Variants in TAX1BP1 observed in about 807,000 individuals in gnomAD.
TAX1BP1 encodes Tax1 binding protein 1, also known as tax1-binding protein 1.
In TAX1BP1, 62 loss-of-function variants were observed where a neutral mutation model predicts 97.7. The ratio of observed to expected loss-of-function variants is 0.63; its 90% CI spans 0.52 to 0.78. The LOEUF (loss-of-function observed/expected upper bound fraction) is 0.78, where lower values mean the gene tolerates loss of function less well. TAX1BP1 is among the 30% of genes least tolerant of loss of function. The pLI, the probability that TAX1BP1 is intolerant of heterozygous loss-of-function variation, is 0.00. For missense variants in TAX1BP1, 867 were observed against 916.1 expected (o/e 0.95, Z 0.69); for synonymous variants, 340 against 304.2 (o/e 1.12, Z -1.23).
intron 3 of TAX1BP1, among the ~76,000 whole-genome samples, chr7:27,761,036 A>G (rs940956967): frequency 3.9e-5 from 6 of 152,168 alleles, no homozygotes; most frequent in Non-Finnish European, 5.9e-5. Flanking sequence ...TATCTAATTG[A>G]TATGGTCTTA....
intron 2 of TAX1BP1, among the ~76,000 whole-genome samples, chr7:27,753,278 C>T (rs138278517): frequency 2.0e-5 from 3 of 151,904 alleles, no homozygotes; most frequent in Admixed American, 6.6e-5. Context: ...CCAGCCTGGG[C>T]GACAGAGCGA....
chr7:27,793,000 G>T (rs1450512533), intron 9 of TAX1BP1, 66 bp from the exon 10 acceptor site: 2 of 1,363,638 alleles, frequency 1.5e-6, no homozygotes, highest in African/African-American at 1.5e-5. Flanking sequence ...TTGAAGTTGG[G>T]GTTACTATTA....
At chr7:27,819,887 G>T (rs539889519) in intron 15 of TAX1BP1, among the ~76,000 whole-genome samples, 3 of 152,060 alleles carry the variant, frequency 2.0e-5, no homozygotes, top group Non-Finnish European at 2.9e-5. Flanking sequence ...ATTTACTGTG[G>T]TGCCCTAGGT....
chr7:27,804,461 T>C (rs954209390), intron 13 of TAX1BP1, among the ~76,000 whole-genome samples: 2 of 152,216 alleles, frequency 1.3e-5, no homozygotes, highest in Non-Finnish European at 2.9e-5. Context: ...AAACTGGTAT[T>C]CTACAATTCA....
At chr7:27,743,603 A>T (rs1787700541) in intron 1 of TAX1BP1, among the ~76,000 whole-genome samples, 1 of 152,154 alleles carries the variant, frequency 6.6e-6, no homozygotes, top group African/African-American at 2.4e-5. Context: ...TTTTACTATT[A>T]CAGAAATTTT....
At chr7:27,742,340 C>A (rs924403540) in intron 1 of TAX1BP1, among the ~76,000 whole-genome samples, 9 of 152,136 alleles carry the variant, frequency 5.9e-5, no homozygotes, top group Non-Finnish European at 2.9e-5. Context: ...GTTTTTGTGT[C>A]CCTGGGTACT....
chr7:27,804,350 C>T (rs897182643), intron 13 of TAX1BP1, among the ~76,000 whole-genome samples: 4 of 152,162 alleles, frequency 2.6e-5, no homozygotes, highest in Non-Finnish European at 5.9e-5. Context: ...TCACTTTTTC[C>T]ACATTTGTCC....
chr7:27,790,677 A>G (rs982994739), intron 8 of TAX1BP1, among the ~76,000 whole-genome samples: 1 of 152,068 alleles, frequency 6.6e-6, no homozygotes, highest in African/African-American at 2.4e-5. Context: ...ATACCCTTTG[A>G]TAATTTTCTT....
chr7:27,764,788 A>G (rs563251868), intron 3 of TAX1BP1, among the ~76,000 whole-genome samples: 82 of 151,942 alleles, frequency 5.4e-4, no homozygotes, highest in African/African-American at 1.9e-3. Flanking sequence ...CTTCTTCTCC[A>G]TGGAATCATT....
At chr7:27,797,554 C>T (rs1169690171) in intron 12 of TAX1BP1, among the ~76,000 whole-genome samples, 1 of 151,788 alleles carries the variant, frequency 6.6e-6, no homozygotes, top group Non-Finnish European at 1.5e-5. Flanking sequence ...ACATTAGCTT[C>T]ATGTTACTGT....
At chr7:27,756,385 G>A (rs1017369564) in intron 2 of TAX1BP1, among the ~76,000 whole-genome samples, 2 of 152,130 alleles carry the variant, frequency 1.3e-5, no homozygotes, top group Admixed American at 6.5e-5. Context: ...AATTTGAAGT[G>A]TAGTTCTATA....
intron 1 of TAX1BP1, among the ~76,000 whole-genome samples, chr7:27,741,947 G>GAATC (rs942899022): frequency 3.3e-5 from 5 of 152,202 alleles, no homozygotes; most frequent in Non-Finnish European, 5.9e-5. Flanking sequence ...ACAAGGTAAA[G>GAATC]AATCAAGTGC....
intron 4 of TAX1BP1, 83 bp from the exon 5 acceptor site, chr7:27,769,593 T>C: frequency 8.7e-7 from 1 of 1,145,428 alleles, no homozygotes; most frequent in Non-Finnish European, 1.2e-6. Context: ...CATTATTTTT[T>C]TTGGAAATGG....
In TAX1BP1 at chr7:27,803,415, A is replaced by G. The variant is rs1037217051; in HGVS notation, c.1764+3325A>G. Among the ~76,000 whole-genome samples, 10 of 152,354 alleles carry G rather than the reference A, an allele frequency of 6.6e-5. No individual in the cohort carries two copies. In the South Asian group the frequency reaches 1.4e-3, roughly 22 times the overall value. The stretch of plus-strand genomic sequence containing the variant: ...ACCTCACATTCACATAGAGCAATAC[A>G]TTTGTAATGTAAAAGATACTATAGT... On this transcript the variant is annotated intron_variant, in intron 13 of 16. Transcript: ENST00000396319.
chr7:27,814,033 T>C (rs911935099), intron 13 of TAX1BP1, among the ~76,000 whole-genome samples: 3 of 151,398 alleles, frequency 2.0e-5, no homozygotes, highest in Non-Finnish European at 4.4e-5. Flanking sequence ...TAACTCCTCA[T>C]GATCCGCCCG....
chr7:27,785,591 G>A, intron 7 of TAX1BP1, 102 bp downstream of exon 7: 1 of 946,322 alleles, frequency 1.1e-6, no homozygotes, highest in Non-Finnish European at 1.6e-6. Context: ...TTAGCTGAGT[G>A]GTTCTGGCTC....
At chr7:27,813,967 G>A (rs1446487358) in intron 13 of TAX1BP1, among the ~76,000 whole-genome samples, 4 of 151,912 alleles carry the variant, frequency 2.6e-5, no homozygotes. Context: ...ACATCATAGA[G>A]CAGTTCTTAG....
rs529635397 is a variant in TAX1BP1, at chr7:27,810,470, C to T, written c.1765-5879C>T. Among the ~76,000 whole-genome samples, 17 of 152,230 alleles carry T rather than the reference C, an allele frequency of 1.1e-4. No homozygotes were observed. The South Asian group carries it at 3.5e-3, about 32-fold the overall frequency. On this transcript the variant is annotated intron_variant, in intron 13 of 16. Coordinates refer to ENST00000396319, the MANE Select transcript of TAX1BP1 (RefSeq NM_006024.7). ...AATCAAATCTAGGTCAGCCTGATTC[C>T]AATCTACCATGCTGTGCTGCCTTCC...
intron 13 of TAX1BP1, among the ~76,000 whole-genome samples, chr7:27,810,187 G>A (rs902344555): frequency 4.0e-5 from 6 of 151,460 alleles, no homozygotes; most frequent in South Asian, 2.1e-4. Context: ...GATTACAGGC[G>A]TGAGCCACCA....
Sources: gnomAD v4.1 joint callset for allele counts (sites outside exome capture counted in the v4.1 genomes callset) on GRCh38, gnomAD v4.1.1 for gene constraint, MANE v1.5 for transcripts, NCBI Gene and HGNC (gene_info 2026-07-23, HGNC 2026-07-21) for gene names.